The following CYSTM1 variants were observed in gnomAD, a reference collection of about 807,000 sequenced individuals.
CYSTM1 encodes the protein cysteine rich transmembrane module containing 1, also known as cysteine-rich transmembrane module-containing protein 1.
Under a neutral mutation model 13.1 loss-of-function variants are expected in CYSTM1, and 4 were observed. The ratio of observed to expected loss-of-function variants is 0.31; its 90% CI spans 0.15 to 0.70. The LOEUF (loss-of-function observed/expected upper bound fraction) is 0.70, where lower values mean the gene tolerates loss of function less well. CYSTM1 is among the 30% of genes least tolerant of loss of function. The pLI is 0.72. For synonymous variants in CYSTM1, 36 were observed against 42.7 expected (o/e 0.84, Z 0.62); for missense variants, 96 against 121.6 (o/e 0.79, Z 0.99).
chr5:140,241,254 C>G (rs1049576419), intron 2 of CYSTM1, among the ~76,000 whole-genome samples: 1 of 152,212 alleles, frequency 6.6e-6, no homozygotes, highest in Non-Finnish European at 1.5e-5. Context: ...GGGGCTCTGA[C>G]AGGTGAGAAA....
intron 2 of CYSTM1, among the ~76,000 whole-genome samples, chr5:140,212,156 T>C (rs1438264947): frequency 6.6e-6 from 1 of 152,210 alleles, no homozygotes; most frequent in African/African-American, 2.4e-5. Flanking sequence ...AGTAACTAGC[T>C]GAGCTATGAA....
At chr5:140,242,542 G>A (rs916655641) in intron 2 of CYSTM1, among the ~76,000 whole-genome samples, 1 of 152,210 alleles carries the variant, frequency 6.6e-6, no homozygotes, top group South Asian at 2.1e-4. Flanking sequence ...TTTAAAATAT[G>A]TCCTTATGGG....
At chr5:140,235,697 AC>A (rs762389428) in intron 2 of CYSTM1, among the ~76,000 whole-genome samples, 1 of 152,042 alleles carries the variant, frequency 6.6e-6, no homozygotes, top group Non-Finnish European at 1.5e-5. Flanking sequence ...GAGCCACCGC[AC>A]CCAGCCCAGA....
intron 2 of CYSTM1, among the ~76,000 whole-genome samples, chr5:140,223,311 C>T (rs989083682): frequency 6.6e-6 from 1 of 152,214 alleles, no homozygotes; most frequent in Non-Finnish European, 1.5e-5. Context: ...TGGCACATGG[C>T]CCCTGGGGCA....
chr5:140,226,933 C>T (rs572461549), intron 2 of CYSTM1, among the ~76,000 whole-genome samples: 45 of 151,932 alleles, frequency 3.0e-4, no homozygotes, highest in African/African-American at 1.1e-3. Context: ...CTGCTGAGGT[C>T]GCTGACTGGC....
intron 2 of CYSTM1, among the ~76,000 whole-genome samples, chr5:140,241,710 C>G (rs1049527490): frequency 2.0e-5 from 3 of 152,164 alleles, no homozygotes; most frequent in Admixed American, 6.6e-5. Flanking sequence ...GCAGGCCATC[C>G]AGGCAGATGG....
At chr5:140,179,232 C>T (rs1050496260) in intron 1 of CYSTM1, among the ~76,000 whole-genome samples, 13 of 151,074 alleles carry the variant, frequency 8.6e-5, no homozygotes, top group Middle Eastern at 3.4e-3. Context: ...CGCACTCCAG[C>T]CTGGAAGACA....
At chr5:140,189,204 G>T (rs1265602914) in intron 1 of CYSTM1, among the ~76,000 whole-genome samples, 1 of 152,148 alleles carries the variant, frequency 6.6e-6, no homozygotes, top group African/African-American at 2.4e-5. Context: ...GGAGGTGTTT[G>T]GGTCATAGGG....
chr5:140,205,164 C>T (rs1185099284), intron 2 of CYSTM1, among the ~76,000 whole-genome samples: 1 of 152,174 alleles, frequency 6.6e-6, no homozygotes, highest in East Asian at 1.9e-4. Context: ...AGTGCATCTT[C>T]AGGGGTACCC....
chr5:140,227,810 G>A (rs1439435384), intron 2 of CYSTM1, among the ~76,000 whole-genome samples: 1 of 152,178 alleles, frequency 6.6e-6, no homozygotes, highest in Non-Finnish European at 1.5e-5. Flanking sequence ...GCAGCTTTGA[G>A]TGTGGCATTG....
At chr5:140,195,839 G>T (rs1764150201) in intron 2 of CYSTM1, among the ~76,000 whole-genome samples, 1 of 151,566 alleles carries the variant, frequency 6.6e-6, no homozygotes, top group Non-Finnish European at 1.5e-5. Flanking sequence ...GAGGTCAGGA[G>T]TTCAAGACCA....
intron 2 of CYSTM1, among the ~76,000 whole-genome samples, chr5:140,206,607 GTTGT>G (rs3083575): frequency 0.011 from 1,646 of 149,392 alleles, 19 homozygotes; most frequent in African/African-American, 0.031. Flanking sequence ...GCTGAGCACT[GTTGT>G]TTGTTTGTTT....
chr5:140,238,794 C>T (rs1294411382), intron 2 of CYSTM1, among the ~76,000 whole-genome samples: 2 of 152,232 alleles, frequency 1.3e-5, no homozygotes, highest in East Asian at 1.9e-4. Context: ...TGAAACCTCC[C>T]GGAAGGCTGG....
chr5:140,178,354 A>G (rs1763917153), intron 1 of CYSTM1, among the ~76,000 whole-genome samples: 1 of 150,166 alleles, frequency 6.7e-6, no homozygotes, highest in Non-Finnish European at 1.5e-5. Context: ...TAATTCTTGG[A>G]TGAATGGTAT....
intron 2 of CYSTM1, among the ~76,000 whole-genome samples, chr5:140,213,205 CCTT>C (rs1200465614): frequency 6.6e-6 from 1 of 150,998 alleles, no homozygotes; most frequent in African/African-American, 2.4e-5. Flanking sequence ...ATGATACTGA[CCTT>C]CTGTAGACGT....
chr5:140,183,535 C>T (rs1763982699), intron 1 of CYSTM1, among the ~76,000 whole-genome samples: 1 of 152,222 alleles, frequency 6.6e-6, no homozygotes, highest in South Asian at 2.1e-4. Context: ...CTTCATTTCT[C>T]TACTGGCTTT....
intron 2 of CYSTM1, among the ~76,000 whole-genome samples, chr5:140,234,443 C>T (rs886409759): frequency 1.3e-5 from 2 of 152,126 alleles, no homozygotes. Flanking sequence ...ATTAAAAACT[C>T]CTGTTGGGAT....
chr5:140,218,928 C>A (rs1764460112), intron 2 of CYSTM1, among the ~76,000 whole-genome samples: 1 of 152,190 alleles, frequency 6.6e-6, no homozygotes, highest in Admixed American at 6.5e-5. Context: ...TCCCTACATA[C>A]CTGCTCCATC....
chr5:140,208,266 A>G (rs1374742203), intron 2 of CYSTM1, among the ~76,000 whole-genome samples: 2 of 152,272 alleles, frequency 1.3e-5, no homozygotes, highest in Non-Finnish European at 2.9e-5. Flanking sequence ...TCAGTCATAA[A>G]AAAGAATGAG....
Sources: allele counts gnomAD v4.1 joint callset (sites outside exome capture counted in the v4.1 genomes callset), GRCh38; gene constraint gnomAD v4.1.1; transcripts MANE v1.5; gene names NCBI Gene and HGNC (gene_info 2026-07-23, HGNC 2026-07-21).